The following SIDT1 variants were observed in gnomAD, a reference collection of about 807,000 sequenced individuals.
SIDT1 encodes the protein SID1 transmembrane family member 1.
In SIDT1, 101 loss-of-function variants were observed where a neutral mutation model predicts 107.5. The observed-to-expected ratio is 0.94, with a 90% confidence interval of 0.80 to 1.11. SIDT1 has a LOEUF of 1.11. Among genes scored for constraint, SIDT1 ranks in the 50% least tolerant of loss-of-function variants. The probability of loss-of-function intolerance (pLI) is 0.00; values close to 1 mark genes in which losing one functional copy is unlikely to be tolerated. For synonymous variants in SIDT1, 395 were observed against 398.2 expected (o/e 0.99, Z 0.10); for missense variants, 1,076 against 1,058.2 (o/e 1.02, Z -0.23).
At chr3:113,542,948 T>C (rs1299995023) in intron 1 of SIDT1, among the ~76,000 whole-genome samples, 1 of 148,886 alleles carries the variant, frequency 6.7e-6, no homozygotes, top group Non-Finnish European at 1.5e-5. Flanking sequence ...GTTTGTTTGT[T>C]TGTTTGTTTT....
downstream of SIDT1, among the ~76,000 whole-genome samples, chr3:113,630,699 G>A (rs890427563): frequency 2.0e-5 from 3 of 152,140 alleles, no homozygotes; most frequent in Non-Finnish European, 4.4e-5. Flanking sequence ...TGTGCCCTTG[G>A]GGAAGTGACT....
chr3:113,568,233 GA>G (rs1180097253), intron 3 of SIDT1, among the ~76,000 whole-genome samples: 2 of 151,972 alleles, frequency 1.3e-5, no homozygotes, highest in African/African-American at 4.8e-5. Context: ...AAATAATCAT[GA>G]GATTTGGACA....
chr3:113,535,595 A>G (rs1217603803), intron 1 of SIDT1, among the ~76,000 whole-genome samples: 1 of 152,232 alleles, frequency 6.6e-6, no homozygotes, highest in African/African-American at 2.4e-5. Context: ...GACACAGTAA[A>G]AGGTTGATGA....
chr3:113,580,969 G>T (rs989325839), intron 5 of SIDT1, among the ~76,000 whole-genome samples: 1 of 152,180 alleles, frequency 6.6e-6, no homozygotes, highest in South Asian at 2.1e-4. Context: ...GGGAAGGATT[G>T]TAACAAGGAA....
chr3:113,623,090 T>C (rs1303434996), intron 21 of SIDT1, among the ~76,000 whole-genome samples: 2 of 146,390 alleles, frequency 1.4e-5, no homozygotes, highest in African/African-American at 2.5e-5. Flanking sequence ...ACCAGAGAGG[T>C]TGAAGTGGAA....
intron 9 of SIDT1, among the ~76,000 whole-genome samples, chr3:113,588,367 A>G (rs536964912): frequency 1.3e-5 from 2 of 152,360 alleles, no homozygotes; most frequent in African/African-American, 2.4e-5. Context: ...TCCTTCATTA[A>G]CTAAGCAAAA....
rs763743458 is a variant in SIDT1, at chr3:113,612,136, C to T, written c.1908C>T (p.His636=). Residue 636 remains histidine (H), a synonymous_variant, in exon 19 of 25, where the codon CAC becomes CAT. Transcript: ENST00000264852. The stretch of plus-strand genomic sequence containing the variant: ...TCTGGGTCATCTTCTCTGCAATCCA[C>T]GTTCTGGCCTCGCTAGCCCTCAGCA... ...VWFWVIFSAI[H]VLASLALSTQ... The T allele has an allele frequency of 1.6e-5, 26 of 1,613,972 alleles. No homozygotes were observed. The highest frequency in any genetic ancestry group is 4.0e-5 in the African/African-American group (3 of 74,892).
chr3:113,612,272 G>T, intron 19 of SIDT1, 78 bp downstream of exon 19: 1 of 1,004,898 alleles, frequency 1.0e-6, no homozygotes, highest in South Asian at 1.3e-5. Flanking sequence ...TACTTATGCT[G>T]AATGAAAGTG....
At chr3:113,584,638 C>G in intron 7 of SIDT1, 60 bp from the exon 8 acceptor site, 2 of 1,219,976 alleles carry the variant, frequency 1.6e-6, no homozygotes, top group Non-Finnish European at 2.3e-6. Flanking sequence ...GACAAGAGAC[C>G]AAAAAAAATC....
chr3:113,609,842 AAAG>A, intron 17 of SIDT1, among the ~76,000 whole-genome samples: 1 of 152,324 alleles, frequency 6.6e-6, no homozygotes, highest in Middle Eastern at 3.4e-3. Context: ...TCTACTTTTT[AAAG>A]AATAAAGCAC....
Position 113,626,232 on chromosome 3 carries a change from C to CT in SIDT1, c.2421+22dup. 1 of 1,509,546 alleles carries CT rather than the reference C, an allele frequency of 6.6e-7. No homozygotes were observed. The highest frequency in any genetic ancestry group is 9.2e-7 in the Non-Finnish European group (1 of 1,085,304). 93.5% of individuals were successfully genotyped at this position (1,509,546 alleles called of 1,614,324 possible). On this transcript the variant is annotated intron_variant, in intron 24 of 24. Coordinates refer to ENST00000264852, the MANE Select transcript of SIDT1 (RefSeq NM_017699.3). Reference sequence around the variant, plus strand: ...TCATTCTTGGTGAGTTCATATCTATCTTTTTGTGACTTTCTTCTCTCTTTA... The same window carrying CT: ...TCATTCTTGGTGAGTTCATATCTATCTTTTTTGTGACTTTCTTCTCTCTTTA...
intron 1 of SIDT1, among the ~76,000 whole-genome samples, chr3:113,556,993 T>C (rs1447038849): frequency 6.6e-6 from 1 of 150,588 alleles, no homozygotes; most frequent in African/African-American, 2.5e-5. Context: ...CTAATTTTTG[T>C]ATTTTTAGTA....
chr3:113,619,739 A>G lies in SIDT1; in HGVS notation c.2090+13A>G. On this transcript the variant is annotated intron_variant, in intron 21 of 24. Transcript: ENST00000264852. ...TTAACTGGTCCTTGTAAGTAGTCTT[A>G]TGAAAACATGTTTTTGCCTTTATTA... The G allele has an allele frequency of 6.2e-7, 1 of 1,613,030 alleles. No individual in the cohort carries two copies. The highest frequency in any genetic ancestry group is 1.1e-5 in the South Asian group (1 of 91,046).
chr3:113,599,714 A>C (rs1380498905), intron 10 of SIDT1, among the ~76,000 whole-genome samples: 1 of 152,226 alleles, frequency 6.6e-6, no homozygotes, highest in Non-Finnish European at 1.5e-5. Context: ...GGAGTAGAAC[A>C]GTGAATATCA....
chr3:113,586,636 A>T (rs540040141), intron 9 of SIDT1, among the ~76,000 whole-genome samples: 2 of 152,330 alleles, frequency 1.3e-5, no homozygotes, highest in Admixed American at 1.3e-4. Flanking sequence ...TAGTAGTTAA[A>T]GTGGAAAAAA....
intron 3 of SIDT1, among the ~76,000 whole-genome samples, chr3:113,573,072 A>T (rs1942603318): frequency 6.6e-6 from 1 of 151,562 alleles, no homozygotes; most frequent in South Asian, 2.1e-4. Flanking sequence ...TTACTTTTAC[A>T]CTAATAGAAT....
In SIDT1 at chr3:113,533,038, G is replaced by T. The variant is rs1458259249; in HGVS notation, c.17G>T (p.Arg6Leu). Reference protein sequence around the residue: MRGCLRLALLCALPWL... With the variant: MRGCLLLALLCALPWL... Reference sequence around the variant, plus strand: ...GTGCCCACCATGCGCGGCTGCCTGCGGCTCGCGCTGCTCTGCGCGCTGCCC... The same window carrying T: ...GTGCCCACCATGCGCGGCTGCCTGCTGCTCGCGCTGCTCTGCGCGCTGCCC... The change falls in exon 1 of 25, where the codon CGG (arginine) becomes CTG (leucine). Residue 6 changes from arginine (R) to leucine (L), a missense_variant. Physicochemically the swap from Arg to Leu is moderately radical, Grantham distance 102. Transcript: ENST00000264852. The T allele has an allele frequency of 2.2e-6, 3 of 1,381,450 alleles. No individual in the cohort carries two copies. The highest frequency in any genetic ancestry group is 1.8e-5 in the South Asian group (1 of 56,528). The allele number at this position is 1,381,450 out of a possible 1,614,324, so 85.6% of individuals were successfully genotyped here.
At chr3:113,594,034 A>G (rs1329586586) in intron 10 of SIDT1, among the ~76,000 whole-genome samples, 2 of 152,222 alleles carry the variant, frequency 1.3e-5, no homozygotes, top group African/African-American at 2.4e-5. Flanking sequence ...AAAGAGGAAT[A>G]TGAAGTGGAA....
chr3:113,562,075 C>T (rs1941483186), intron 1 of SIDT1, among the ~76,000 whole-genome samples: 1 of 152,028 alleles, frequency 6.6e-6, no homozygotes, highest in Non-Finnish European at 1.5e-5. Flanking sequence ...ACCAAGGATG[C>T]CAAAGATGAA....
Sources: gnomAD v4.1 joint callset for allele counts (sites outside exome capture counted in the v4.1 genomes callset) on GRCh38, gnomAD v4.1.1 for gene constraint, MANE v1.5 for transcripts, NCBI Gene and HGNC (gene_info 2026-07-23, HGNC 2026-07-21) for gene names.